APBA2: variants seen among roughly 807,000 people sequenced by gnomAD.
APBA2 encodes the protein amyloid beta precursor protein binding family A member 2, also known as amyloid-beta A4 precursor protein-binding family A member 2.
In APBA2, 30 loss-of-function variants were observed where a neutral mutation model predicts 75.0. That is an observed-to-expected ratio of 0.40 (90% confidence interval 0.30 to 0.54). The LOEUF (loss-of-function observed/expected upper bound fraction) is 0.54, where lower values mean the gene tolerates loss of function less well. Ranked by LOEUF, APBA2 falls within the 20% of genes least tolerant of loss-of-function variation. The pLI is 0.49. For missense variants in APBA2, 801 were observed against 1,016.1 expected, an observed-to-expected ratio of 0.79 and a Z score of 2.88; for synonymous variants, 444 against 409.6, an observed-to-expected ratio of 1.08 and a Z score of -1.01.
At chr15:28,951,585 T>TA (rs1028112835) in intron 2 of APBA2, among the ~76,000 whole-genome samples, 3 of 151,744 alleles carry the variant, frequency 2.0e-5, no homozygotes, top group African/African-American at 7.3e-5. Context: ...CATAGTTTTT[T>TA]TTTATTTTTT....
intron 3 of APBA2, among the ~76,000 whole-genome samples, chr15:29,011,927 G>A (rs917506284): frequency 9.2e-5 from 14 of 151,684 alleles, no homozygotes; most frequent in Middle Eastern, 3.2e-3. Flanking sequence ...GCTGCTTTTC[G>A]TAAAATCTAG....
At chr15:29,116,998 T>G (rs2045220093) in intron 14 of APBA2, 64 bp from the exon 15 acceptor site, 4 of 1,546,702 alleles carry the variant, frequency 2.6e-6, no homozygotes, top group Non-Finnish European at 3.6e-6. Context: ...TGTCCTTTGC[T>G]TTCACCTGAT....
At chr15:28,895,162 C>T (rs966606154) in intron 1 of APBA2, among the ~76,000 whole-genome samples, 1 of 152,236 alleles carries the variant, frequency 6.6e-6, no homozygotes, top group African/African-American at 2.4e-5. Context: ...TTAACCTGTG[C>T]AGCTCCGCCA....
intron 2 of APBA2, among the ~76,000 whole-genome samples, chr15:28,962,430 A>C (rs2036526107): frequency 6.6e-6 from 1 of 151,986 alleles, no homozygotes; most frequent in South Asian, 2.1e-4. Context: ...TTAACTGGGC[A>C]TGGTGGCGGG....
intron 4 of APBA2, among the ~76,000 whole-genome samples, chr15:29,063,763 G>C (rs1595874468): frequency 6.6e-6 from 1 of 151,932 alleles, no homozygotes; most frequent in African/African-American, 2.4e-5. Flanking sequence ...ATCGGGTCTG[G>C]GGGAGGTGGG....
chr15:29,094,389 G>GA, intron 8 of APBA2, 76 bp downstream of exon 8: 2 of 1,444,394 alleles, frequency 1.4e-6, no homozygotes, highest in Non-Finnish European at 1.9e-6. Flanking sequence ...AGTGGGGGCT[G>GA]GGGGGTTCCC....
At chr15:29,039,277 A>T (rs368445639) in intron 3 of APBA2, among the ~76,000 whole-genome samples, 1 of 152,050 alleles carries the variant, frequency 6.6e-6, no homozygotes, top group African/African-American at 2.4e-5. Flanking sequence ...GTATCTTATT[A>T]CCACAAAGAC....
intron 6 of APBA2, among the ~76,000 whole-genome samples, chr15:29,081,549 A>G (rs971142920): frequency 1.3e-5 from 2 of 152,218 alleles, no homozygotes; most frequent in African/African-American, 4.8e-5. Context: ...TGTTCTGCCT[A>G]TACATCCCAG....
chr15:28,896,306 G>T (rs568704156), intron 1 of APBA2, among the ~76,000 whole-genome samples: 7 of 152,106 alleles, frequency 4.6e-5, no homozygotes, highest in Non-Finnish European at 1.0e-4. Flanking sequence ...TTGAGACAGA[G>T]TCTCATTCTG....
intron 8 of APBA2, among the ~76,000 whole-genome samples, chr15:29,097,007 A>G (rs1446845034): frequency 6.6e-6 from 1 of 152,272 alleles, no homozygotes; most frequent in Non-Finnish European, 1.5e-5. Context: ...TATGCCAGAC[A>G]TACTACAGTG....
intron 8 of APBA2, 122 bp from the exon 9 acceptor site, chr15:29,098,368 G>T: frequency 1.4e-6 from 1 of 738,850 alleles, no homozygotes. Flanking sequence ...ATATATTGTT[G>T]TGGTTTTAAT....
chr15:28,889,391 G>A (rs1217557460), intron 1 of APBA2, among the ~76,000 whole-genome samples: 3 of 152,202 alleles, frequency 2.0e-5, no homozygotes, highest in Non-Finnish European at 4.4e-5. Flanking sequence ...CAGGTTGGGG[G>A]CTGTGGGGTA....
chr15:29,021,667 TC>T (rs370977258), intron 3 of APBA2, among the ~76,000 whole-genome samples: 6 of 152,246 alleles, frequency 3.9e-5, no homozygotes, highest in African/African-American at 1.4e-4. Flanking sequence ...CAACAGAAGA[TC>T]CACCTTCTCA....
At chr15:29,005,812 C>T (rs549507476) in intron 3 of APBA2, among the ~76,000 whole-genome samples, 3 of 152,120 alleles carry the variant, frequency 2.0e-5, no homozygotes, top group African/African-American at 4.8e-5. Flanking sequence ...TGCAGTGAGC[C>T]GAGATCATGC....
In APBA2 at chr15:29,106,574, C is replaced by T. The variant is rs369458291; in HGVS notation, c.1705-33C>T. The T allele has an allele frequency of 2.9e-4, 473 of 1,611,928 alleles. 2 individuals carry two copies. The highest frequency in any genetic ancestry group is 5.0e-4 in the Middle Eastern group (3 of 5,978). ...TTGGCAGAGGCCTCGGTCCTTGCCG[C>T]CAGCCCCTCTCACACTGCTGATCCC... On this transcript the variant is annotated intron_variant, in intron 11 of 14. Transcript: ENST00000683413.
At chr15:29,017,467 T>G (rs1350786003) in intron 3 of APBA2, among the ~76,000 whole-genome samples, 2 of 144,016 alleles carry the variant, frequency 1.4e-5, no homozygotes, top group South Asian at 2.3e-4. Context: ...CCTCCTAGGT[T>G]CAAGCAATTC....
chr15:28,895,175 T>G (rs2152617561), intron 1 of APBA2, among the ~76,000 whole-genome samples: 1 of 152,322 alleles, frequency 6.6e-6, no homozygotes, highest in South Asian at 2.1e-4. Context: ...CTCCGCCAAC[T>G]TACCCTCGGC....
chr15:29,038,752 C>T (rs940802435), intron 3 of APBA2, among the ~76,000 whole-genome samples: 14 of 148,426 alleles, frequency 9.4e-5, no homozygotes, highest in Non-Finnish European at 2.1e-4. Flanking sequence ...TGGCTCGCTG[C>T]AACCTCCACC....
chr15:28,961,388 C>T (rs2036462307), intron 2 of APBA2: 1 of 152,212 alleles, frequency 6.6e-6, no homozygotes, highest in Admixed American at 6.5e-5. Context: ...GATGAGGGTT[C>T]TAAAAGTGCG....
Sources: allele counts gnomAD v4.1 joint callset (sites outside exome capture counted in the v4.1 genomes callset), GRCh38; gene constraint gnomAD v4.1.1; transcripts MANE v1.5; gene names NCBI Gene and HGNC (gene_info 2026-07-23, HGNC 2026-07-21).